RXRA: variants seen among roughly 807,000 people sequenced by gnomAD.
RXRA encodes the protein retinoic acid receptor RXR-alpha.
In RXRA, 5 loss-of-function variants were observed where a neutral mutation model predicts 44.5. The ratio of observed to expected loss-of-function variants is 0.11; its 90% CI spans 0.06 to 0.24. The LOEUF (loss-of-function observed/expected upper bound fraction) is 0.24, where lower values mean the gene tolerates loss of function less well. Ranked by LOEUF, RXRA falls within the 10% of genes least tolerant of loss-of-function variation. The probability of loss-of-function intolerance (pLI) is 1.00; values close to 1 mark genes in which losing one functional copy is unlikely to be tolerated. For synonymous variants in RXRA, 291 were observed against 271.4 expected, an observed-to-expected ratio of 1.07 and a Z score of -0.71; for missense variants, 412 against 646.5, an observed-to-expected ratio of 0.64 and a Z score of 3.93.
At chr9:134,434,533 A>G (rs1588312065) in intron 9 of RXRA, among the ~76,000 whole-genome samples, 1 of 152,330 alleles carries the variant, frequency 6.6e-6, no homozygotes, top group East Asian at 1.9e-4. Flanking sequence ...ACCAGAGGCC[A>G]GGCGACACCA....
chr9:134,377,461 C>T (rs1184175337), intron 1 of RXRA, among the ~76,000 whole-genome samples: 3 of 152,196 alleles, frequency 2.0e-5, no homozygotes. Flanking sequence ...GAACTCAGCC[C>T]TGCGTGTGCT....
intron 1 of RXRA, among the ~76,000 whole-genome samples, chr9:134,340,006 T>C (rs1554747936): frequency 6.6e-6 from 1 of 152,208 alleles, no homozygotes. Flanking sequence ...CACATCTGTG[T>C]CCATGTCTGA....
At chr9:134,401,910 G>C (rs887559476) in intron 2 of RXRA, 28 bp downstream of exon 2, 9 of 1,550,906 alleles carry the variant, frequency 5.8e-6, no homozygotes, top group Non-Finnish European at 2.6e-6. Context: ...GCAAGGGGAG[G>C]GGGTGGGGCC....
chr9:134,378,147 A>G (rs1433651035), intron 1 of RXRA, among the ~76,000 whole-genome samples: 2 of 152,230 alleles, frequency 1.3e-5, no homozygotes, highest in African/African-American at 2.4e-5. Flanking sequence ...GGTTCTGGGC[A>G]GGGCCGGGGC....
chr9:134,434,266 C>A, intron 9 of RXRA, 59 bp downstream of exon 9: 1 of 1,293,148 alleles, frequency 7.7e-7, no homozygotes, highest in Non-Finnish European at 1.1e-6. Flanking sequence ...CCAGAGCCCC[C>A]ACCCCCTGCA....
intron 1 of RXRA, among the ~76,000 whole-genome samples, chr9:134,352,416 C>T (rs781926761): frequency 1.3e-5 from 2 of 152,090 alleles, no homozygotes; most frequent in Non-Finnish European, 2.9e-5. Flanking sequence ...TTCCCTGCTT[C>T]TGAGCAGGGG....
chr9:134,372,924 G>T (rs1251551259), intron 1 of RXRA, among the ~76,000 whole-genome samples: 2 of 152,234 alleles, frequency 1.3e-5, no homozygotes, highest in African/African-American at 4.8e-5. Context: ...GAGGGGCTGA[G>T]ACCCAGCCTT....
Position 134,326,536 on chromosome 9 carries a change from C to A in RXRA, c.-96C>A, listed in dbSNP as rs1214702956. The stretch of plus-strand genomic sequence containing the variant: ...CCGCCGCCGCCACCGCAGCCGCCGG[C>A]TCCCCGCCGCCCGGGCCCGGGCCGG... On this transcript the variant is annotated 5_prime_UTR_variant, in exon 1 of 10. Transcript: ENST00000481739. The A allele has an allele frequency of 5.8e-6, 1 of 171,314 alleles. No individual in the cohort carries two copies. The highest frequency in any genetic ancestry group is 1.1e-5 in the Non-Finnish European group (1 of 90,204). The allele number at this position is 171,314 out of a possible 1,614,324, so 10.6% of individuals were successfully genotyped here.
intron 1 of RXRA, among the ~76,000 whole-genome samples, chr9:134,326,973 C>T (rs1834924514): frequency 6.6e-6 from 1 of 151,320 alleles, no homozygotes; most frequent in Non-Finnish European, 1.5e-5. Flanking sequence ...CCAGCTGCAG[C>T]CGCGCCGCAC....
intron 1 of RXRA, among the ~76,000 whole-genome samples, chr9:134,390,238 G>A (rs1222335703): frequency 6.6e-6 from 1 of 152,168 alleles, no homozygotes; most frequent in Non-Finnish European, 1.5e-5. Context: ...GTAGGGGCCC[G>A]GGTGCCCCTA....
At chr9:134,432,610 G>T (rs780468450) in intron 8 of RXRA, among the ~76,000 whole-genome samples, 1 of 152,258 alleles carries the variant, frequency 6.6e-6, no homozygotes. Flanking sequence ...GTGCTGACAC[G>T]TGCCTGTTTG....
chr9:134,379,831 T>C (rs1830615050), intron 1 of RXRA: 1 of 985,246 alleles, frequency 1.0e-6, no homozygotes, highest in Non-Finnish European at 1.2e-6. Flanking sequence ...CCCTGGGGCC[T>C]TGTGTGGGAG....
Position 134,342,182 on chromosome 9 carries a change from G to A in RXRA, c.28+15523G>A, listed in dbSNP as rs1254955486. Among the ~76,000 whole-genome samples, 1 of 152,130 alleles carries A rather than the reference G, an allele frequency of 6.6e-6. No homozygotes were observed. The highest frequency in any genetic ancestry group is 2.4e-5 in the African/African-American group (1 of 41,436). On this transcript the variant is annotated intron_variant, in intron 1 of 9. Coordinates refer to ENST00000481739, the MANE Select transcript of RXRA (RefSeq NM_002957.6). This position sits in a 1 kb window ranked among gnomAD's most constrained non-coding sequence, Gnocchi z 4.4. Reference sequence around the variant, plus strand: ...AGTGAGTTCTGAACTGTGAGATCAGGCTGGAGAAAGCCCTGGACCCACTGT... The same window carrying A: ...AGTGAGTTCTGAACTGTGAGATCAGACTGGAGAAAGCCCTGGACCCACTGT...
chr9:134,384,718 C>T (rs939971593), intron 1 of RXRA, among the ~76,000 whole-genome samples: 2 of 152,156 alleles, frequency 1.3e-5, no homozygotes, highest in Non-Finnish European at 1.5e-5. Context: ...TTCTCTGGCC[C>T]TTTTCTGTCT....
In RXRA at chr9:134,433,108, T is replaced by A. The variant is rs775695191; in HGVS notation, c.1136-994T>A. Among the ~76,000 whole-genome samples the A allele has an allele frequency of 2.0e-5, 3 of 152,076 alleles. No individual in the cohort carries two copies. Among genetic ancestry groups the A allele is most frequent in the Non-Finnish European group, 4.4e-5 (3 of 68,016 alleles). ...GACCTTGCCCTTTGTCAGACCTGGC[T>A]CTGAGGGACCGGGCCGGGATGGAGA... On this transcript the variant is annotated intron_variant, in intron 8 of 9. Coordinates refer to ENST00000481739, the MANE Select transcript of RXRA (RefSeq NM_002957.6). The surrounding 1 kb of genome is among the most constrained non-coding windows in gnomAD (Gnocchi z 4.2).
At chr9:134,431,492 C>A (rs1481314890) in intron 7 of RXRA, among the ~76,000 whole-genome samples, 1 of 152,188 alleles carries the variant, frequency 6.6e-6, no homozygotes, top group East Asian at 1.9e-4. Flanking sequence ...AGGGGCTTTG[C>A]CTCAGGTGGT....
At chr9:134,423,149 G>C in intron 6 of RXRA, 1 of 985,452 alleles carries the variant, frequency 1.0e-6, no homozygotes, top group Non-Finnish European at 1.2e-6. Flanking sequence ...TGCTGACTGG[G>C]GCTGGTTCTT....
In RXRA at chr9:134,436,676, C is replaced by T; in HGVS notation, c.*62C>T. 3 of 1,595,310 alleles carry T rather than the reference C, an allele frequency of 1.9e-6. No homozygotes were observed. Among genetic ancestry groups the T allele is most frequent in the African/African-American group, 1.3e-5 (1 of 74,756 alleles). Reference sequence around the variant, plus strand: ...CCACCCTGCCTGGACGCCAGCTGTTCTTCTCAGCCTGAGCCCTGTCCCTGC... The same window carrying T: ...CCACCCTGCCTGGACGCCAGCTGTTTTTCTCAGCCTGAGCCCTGTCCCTGC... On this transcript the variant is annotated 3_prime_UTR_variant, in exon 10 of 10. Transcript: ENST00000481739.
intron 3 of RXRA, 47 bp from the exon 4 acceptor site, chr9:134,408,893 G>T: frequency 1.4e-6 from 2 of 1,437,696 alleles, no homozygotes; most frequent in Non-Finnish European, 1.8e-6. Context: ...TGGGCTCCCT[G>T]CCGGGGCGGT....
Sources: allele counts gnomAD v4.1 joint callset (sites outside exome capture counted in the v4.1 genomes callset), GRCh38; gene constraint gnomAD v4.1.1; non-coding constraint Gnocchi (gnomAD v3.1); transcripts MANE v1.5; gene names NCBI Gene and HGNC (gene_info 2026-07-23, HGNC 2026-07-21).